The following HEPH variants were observed in gnomAD, a reference collection of about 807,000 sequenced individuals.
HEPH encodes hephaestin.
In HEPH, 69 loss-of-function variants were observed where a neutral mutation model predicts 80.8. The observed-to-expected ratio is 0.85, with a 90% confidence interval of 0.70 to 1.04. The LOEUF (loss-of-function observed/expected upper bound fraction) is 1.04, where lower values mean the gene tolerates loss of function less well. HEPH is among the 50% of genes least tolerant of loss of function. The probability of loss-of-function intolerance (pLI) is 0.00; values close to 1 mark genes in which losing one functional copy is unlikely to be tolerated. For synonymous variants in HEPH, 431 were observed against 322.8 expected (o/e 1.34, Z -3.60); for missense variants, 1,115 against 891.3 (o/e 1.25, Z -3.20).
chrX:66,186,318 A>C (rs1387219098), intron 4 of HEPH, among the ~76,000 whole-genome samples: 1 of 106,002 alleles, frequency 9.4e-6, no homozygotes, highest in Non-Finnish European at 2.0e-5. Context: ...GCCGCCTTGC[A>C]GTTTGATCTC....
intron 12 of HEPH, 47 bp from the exon 13 acceptor site, chrX:66,203,317 A>C (rs1271882045): frequency 9.1e-7 from 1 of 1,104,465 alleles, no homozygotes; most frequent in African/African-American, 1.8e-5. Context: ...CCCAGGCACT[A>C]CCCAGGGATG....
At chrX:66,251,417 A>G (rs1308427909) in intron 15 of HEPH, among the ~76,000 whole-genome samples, 1 of 111,931 alleles carries the variant, frequency 8.9e-6, no homozygotes, top group African/African-American at 3.2e-5. Flanking sequence ...ATGATATCTC[A>G]TTGTAATTTT....
intron 5 of HEPH, 136 bp from the exon 6 acceptor site, chrX:66,189,548 A>G (rs1416360400): frequency 3.2e-6 from 2 of 633,246 alleles, no homozygotes; most frequent in Non-Finnish European, 4.8e-6. Context: ...GATTTAAAGA[A>G]GATAATACAT....
chrX:66,221,358 G>T (rs960160660), intron 15 of HEPH, among the ~76,000 whole-genome samples: 5 of 112,460 alleles, frequency 4.4e-5, no homozygotes, highest in African/African-American at 1.6e-4. Context: ...AACTTCAATG[G>T]TTATGTGGAG....
chrX:66,208,977 A>C (rs2088965979), intron 15 of HEPH, among the ~76,000 whole-genome samples: 1 of 109,960 alleles, frequency 9.1e-6, no homozygotes, highest in Non-Finnish European at 1.9e-5. Flanking sequence ...AATACTAAAT[A>C]TAGAATAATC....
chrX:66,249,789 G>C (rs767670591), intron 15 of HEPH, among the ~76,000 whole-genome samples: 1 of 111,575 alleles, frequency 9.0e-6, no homozygotes, highest in Non-Finnish European at 1.9e-5. Context: ...GGTGTGGAGA[G>C]ATTCCCAACA....
chrX:66,262,699 T>C (rs1232074590), intron 19 of HEPH, among the ~76,000 whole-genome samples: 2 of 111,406 alleles, frequency 1.8e-5, no homozygotes, highest in Admixed American at 1.9e-4. Context: ...GTAGTTGAAG[T>C]GATAGACCTT....
intron 15 of HEPH, among the ~76,000 whole-genome samples, chrX:66,237,306 T>TATG (rs2090400956): frequency 2.7e-5 from 3 of 111,815 alleles, no homozygotes; most frequent in African/African-American, 9.8e-5. Context: ...CTTAGCTGTG[T>TATG]CCCAGAGATT....
Position 66,207,242 on chromosome X carries a change from G to C in HEPH, c.2339G>C (p.Arg780Thr). Reference protein sequence around the residue: ...LSNKDGLLGSRYKKAVFREYT... With the variant: ...LSNKDGLLGSTYKKAVFREYT... Reference sequence around the variant, plus strand: ...AACAAGGATGGGCTCCTGGGTTCCAGATACAAGAAAGCTGTATTCAGGGAA... The same window carrying C: ...AACAAGGATGGGCTCCTGGGTTCCACATACAAGAAAGCTGTATTCAGGGAA... Residue 780 changes from arginine to threonine, a missense_variant, in exon 14 of 21, where the codon AGA becomes ACA. Physicochemically the swap from Arg to Thr is moderately conservative, Grantham distance 71. Transcript: ENST00000343002. 8.3e-7 allele frequency: 1 copy of C among 1,206,382 alleles called. No homozygotes were observed. The highest frequency in any genetic ancestry group is 1.1e-6 in the Non-Finnish European group (1 of 892,167).
intron 15 of HEPH, among the ~76,000 whole-genome samples, chrX:66,235,108 G>T (rs950077591): frequency 1.8e-5 from 2 of 111,457 alleles, no homozygotes; most frequent in Non-Finnish European, 3.8e-5. Flanking sequence ...ACCCTTCTTG[G>T]ATGCATAGTT....
In HEPH at chrX:66,203,610, T is replaced by C. The variant is rs370050523; in HGVS notation, c.2291+33T>C. 1.0e-4 allele frequency: 116 copies of C among 1,140,916 alleles called. No homozygotes were observed. The South Asian group carries it at 1.9e-3, about 19-fold the overall frequency. 94.0% of individuals were successfully genotyped at this position (1,140,916 alleles called of 1,213,427 possible). On this transcript the variant is annotated intron_variant, in intron 13 of 20. Transcript: ENST00000343002. The stretch of plus-strand genomic sequence containing the variant: ...TTCATAAATGGAGAGATTACACTTT[T>C]AGAAAAACATTTTGCAAATGAGAAT...
At chrX:66,198,524 C>T (rs2088239688) in intron 10 of HEPH, among the ~76,000 whole-genome samples, 1 of 111,104 alleles carries the variant, frequency 9.0e-6, no homozygotes, top group African/African-American at 3.3e-5. Flanking sequence ...CTAGTTTCCC[C>T]CCAAGACCCT....
At chrX:66,172,803 G>T (rs773515010) in intron 3 of HEPH, among the ~76,000 whole-genome samples, 1 of 111,956 alleles carries the variant, frequency 8.9e-6, no homozygotes, top group East Asian at 2.8e-4. Context: ...ACGAGTCATT[G>T]TCTCTCTCTG....
At chrX:66,208,704 T>G (rs1403519859) in intron 15 of HEPH, among the ~76,000 whole-genome samples, 2 of 91,508 alleles carry the variant, frequency 2.2e-5, no homozygotes, top group Non-Finnish European at 4.3e-5. Flanking sequence ...AATAGGAATA[T>G]AGCCAAAACT....
chrX:66,256,032 G>A (rs996749867), intron 16 of HEPH, 73 bp from the exon 17 acceptor site: 5 of 758,691 alleles, frequency 6.6e-6, no homozygotes, highest in African/African-American at 2.1e-5. Context: ...TGAGAAGCTG[G>A]CTCCCTGCGG....
intron 15 of HEPH, among the ~76,000 whole-genome samples, chrX:66,240,825 T>C (rs1218071921): frequency 2.7e-5 from 3 of 111,925 alleles, no homozygotes; most frequent in Non-Finnish European, 5.6e-5. Flanking sequence ...CTACAAAAAA[T>C]GTTAAATAAA....
chrX:66,232,892 A>T (rs532308372), intron 15 of HEPH, among the ~76,000 whole-genome samples: 22 of 110,375 alleles, frequency 2.0e-4, no homozygotes, highest in African/African-American at 6.9e-4. Context: ...TTGCTCTGTC[A>T]TAGTGATGTG....
intron 2 of HEPH, among the ~76,000 whole-genome samples, chrX:66,172,123 T>C (rs2086619802): frequency 8.9e-6 from 1 of 112,504 alleles, no homozygotes; most frequent in South Asian, 3.7e-4. Context: ...CTATGTGAAA[T>C]TGCCTTTTAT....
At chrX:66,238,362 C>T (rs899405998) in intron 15 of HEPH, among the ~76,000 whole-genome samples, 40 of 111,134 alleles carry the variant, frequency 3.6e-4, no homozygotes, top group African/African-American at 1.3e-3. Flanking sequence ...CTTATTTTTC[C>T]TTTGCTTATG....
Sources: gnomAD v4.1 joint callset for allele counts (sites outside exome capture counted in the v4.1 genomes callset) on GRCh38, gnomAD v4.1.1 for gene constraint, MANE v1.5 for transcripts, NCBI Gene and HGNC (gene_info 2026-07-23, HGNC 2026-07-21) for gene names.